Variants in PTPRH observed in about 807,000 individuals in gnomAD.
PTPRH encodes the protein protein tyrosine phosphatase receptor type H, also known as receptor-type tyrosine-protein phosphatase H.
PTPRH carries 113 observed loss-of-function variants against 130.2 expected under a neutral mutation model. The observed-to-expected ratio is 0.87, with a 90% CI of 0.75 to 1.01. PTPRH has a LOEUF of 1.01. PTPRH is among the 50% of genes least tolerant of loss of function. The probability of loss-of-function intolerance (pLI) is 0.00; values close to 1 mark genes in which losing one functional copy is unlikely to be tolerated. For missense variants in PTPRH, 1,430 were observed against 1,425.0 expected (o/e 1.00, Z -0.06); for synonymous variants, 556 against 577.9 (o/e 0.96, Z 0.54).
intron 12 of PTPRH, among the ~76,000 whole-genome samples, chr19:55,189,393 A>G (rs922547392): frequency 1.3e-5 from 2 of 152,188 alleles, no homozygotes; most frequent in Non-Finnish European, 2.9e-5. Flanking sequence ...TCAGCTCACA[A>G]TAAATCCAAA....
chr19:55,204,148 C>T, intron 4 of PTPRH, 100 bp from the exon 5 acceptor site: 1 of 1,310,784 alleles, frequency 7.6e-7, no homozygotes, highest in Non-Finnish European at 1.0e-6. Flanking sequence ...GAGACAGAGT[C>T]TCTGTCTGTC....
At chr19:55,191,351 G>T in intron 12 of PTPRH, 150 bp downstream of exon 12, 1 of 872,702 alleles carries the variant, frequency 1.1e-6, no homozygotes. Flanking sequence ...ACGATGGAAG[G>T]GCCGTGGTCC....
At chr19:55,183,369 A>C (rs1234675147) in intron 18 of PTPRH, among the ~76,000 whole-genome samples, 2 of 151,098 alleles carry the variant, frequency 1.3e-5, no homozygotes. Flanking sequence ...ACATCACTGC[A>C]CTCCCAGCCT....
At chr19:55,200,547 C>CA (rs768873332) in intron 6 of PTPRH, 45 bp from the exon 7 acceptor site, 2 of 1,591,058 alleles carry the variant, frequency 1.3e-6, no homozygotes, top group Non-Finnish European at 1.7e-6. Context: ...AGATACAGAA[C>CA]AGAACGGGGC....
At chr19:55,194,889 A>T (rs2086639739) in intron 10 of PTPRH, among the ~76,000 whole-genome samples, 1 of 152,214 alleles carries the variant, frequency 6.6e-6, no homozygotes, top group African/African-American at 2.4e-5. Context: ...CAATGAATGG[A>T]TAAAAATGAA....
At chr19:55,201,864 A>G (rs935395896) in intron 6 of PTPRH, among the ~76,000 whole-genome samples, 192 bp downstream of exon 6, 124 of 152,204 alleles carry the variant, frequency 8.1e-4, no homozygotes, top group African/African-American at 2.9e-3. Flanking sequence ...ACTGGCCCCA[A>G]CTTAGCAGCT....
intron 6 of PTPRH, 103 bp downstream of exon 6, chr19:55,201,953 C>G: frequency 1.3e-6 from 2 of 1,531,496 alleles, no homozygotes; most frequent in Non-Finnish European, 1.8e-6. Context: ...GTACCTGGCT[C>G]AATATGGCCC....
intron 12 of PTPRH, among the ~76,000 whole-genome samples, chr19:55,189,216 C>T (rs1445184013): frequency 6.6e-6 from 1 of 152,122 alleles, no homozygotes; most frequent in Non-Finnish European, 1.5e-5. Flanking sequence ...GAACTCCTGA[C>T]CTCAAGTGAT....
In PTPRH at chr19:55,193,967, G is replaced by A. The variant is rs1283488664; in HGVS notation, c.2258-2226C>T. 2.7e-5 allele frequency: 9 copies of A among 334,498 alleles called. No homozygotes were observed. In the East Asian group the frequency reaches 8.7e-4, roughly 32 times the overall value. The allele number at this position is 334,498 out of a possible 1,614,324, so 20.7% of individuals were successfully genotyped here. Reference sequence around the variant, plus strand: ...GGGTTCTAGTGATTCTCTTGCCTCAGCCTCCTGAGTAGTTGGGATGACAGA... The same window carrying A: ...GGGTTCTAGTGATTCTCTTGCCTCAACCTCCTGAGTAGTTGGGATGACAGA... On this transcript the variant is annotated intron_variant, in intron 10 of 19. Coordinates refer to ENST00000376350, the MANE Select transcript of PTPRH (RefSeq NM_002842.5).
At chr19:55,190,325 A>G (rs1160405902) in intron 12 of PTPRH, among the ~76,000 whole-genome samples, 2 of 149,340 alleles carry the variant, frequency 1.3e-5, no homozygotes, top group Admixed American at 6.7e-5. Flanking sequence ...AGCCGAGATC[A>G]TGCCACTGCA....
intron 14 of PTPRH, 122 bp downstream of exon 14, chr19:55,187,391 A>C (rs1184105165): frequency 3.8e-6 from 2 of 528,182 alleles, no homozygotes; most frequent in Non-Finnish European, 6.3e-6. Flanking sequence ...AGGAAGAAAA[A>C]AAAAAGGAGA....
At chr19:55,205,252 A>G (rs1438395975) in intron 4 of PTPRH, 74 bp downstream of exon 4, 2 of 1,584,812 alleles carry the variant, frequency 1.3e-6, no homozygotes, top group African/African-American at 2.7e-5. Context: ...ACTATGGAAT[A>G]GAAATCCGCT....
chr19:55,183,352 C>T (rs1330237825), intron 18 of PTPRH, among the ~76,000 whole-genome samples: 4 of 150,278 alleles, frequency 2.7e-5, no homozygotes, highest in African/African-American at 7.3e-5. Flanking sequence ...TGCAGTGAGC[C>T]GAGATCACAT....
chr19:55,198,567 G>T, intron 8 of PTPRH, 76 bp downstream of exon 8: 1 of 1,432,848 alleles, frequency 7.0e-7, no homozygotes, highest in South Asian at 1.6e-5. Flanking sequence ...CATCTCCCAA[G>T]GAGCTCCCAA....
Position 55,182,093 on chromosome 19 carries a change from G to T in PTPRH, c.3121C>A (p.Gln1041Lys), listed in dbSNP as rs1244435245. 1 of 1,614,044 alleles carries T rather than the reference G, an allele frequency of 6.2e-7. No homozygotes were observed. The highest frequency in any genetic ancestry group is 8.5e-7 in the Non-Finnish European group (1 of 1,180,050). The change falls in exon 19 of 20, where the codon CAG becomes AAG. Residue 1041 changes from glutamine (Q) to lysine (K), a missense_variant. Coordinates refer to ENST00000376350, the MANE Select transcript of PTPRH (RefSeq NM_002842.5). ...AAGGGCCCAAGGAGACCCTCGGACT[G>T]CAGCTGCCGGAGCAGGACGTCCAGG... ...IALDVLLRQLQSEGLLGPFSF... is the reference protein window; with the variant it reads ...IALDVLLRQLKSEGLLGPFSF...
Position 55,202,221 on chromosome 19 carries a change from A to T in PTPRH, c.988T>A (p.Tyr330Asn). The change falls in exon 6 of 20, where the codon TAC becomes AAC. Residue 330 changes from tyrosine to asparagine, a missense_variant. Coordinates refer to ENST00000376350, the MANE Select transcript of PTPRH (RefSeq NM_002842.5). ...PDGPDPQNST[Y>N]GVEYTGDGGR... ...CCATCTCCAGTGTACTCAACCCCGTAGGTGGAGTTCTGTGGGTCTGGGCCA... is the reference window on the plus strand; with the variant it reads ...CCATCTCCAGTGTACTCAACCCCGTTGGTGGAGTTCTGTGGGTCTGGGCCA... The T allele has an allele frequency of 6.2e-7, 1 of 1,614,186 alleles. No homozygotes were observed.
chr19:55,187,628 C>T lies in PTPRH; in HGVS notation c.2476-25G>A, dbSNP rs115969789. On this transcript the variant is annotated intron_variant, in intron 13 of 19. Transcript: ENST00000376350. The stretch of plus-strand genomic sequence containing the variant: ...GCTGGGGATGCAGGGAGAGGGGGTA[C>T]CTGGTGTTGGATTTTCTCTACTTTC... 5,074 of 1,559,692 alleles carry T rather than the reference C, an allele frequency of 3.3e-3. 150 individuals are homozygous for T. In the African/African-American group the frequency reaches 0.06, roughly 18 times the overall value.
In PTPRH at chr19:55,194,789, C is replaced by A. The variant is rs879505497; in HGVS notation, c.2257+1733G>T. On this transcript the variant is annotated intron_variant, in intron 10 of 19. Transcript: ENST00000376350. Reference sequence around the variant, plus strand: ...TAGACCCAAGAGAAATAAAAACATACGTCCACACAAAACCTATCCACAAAC... The same window carrying A: ...TAGACCCAAGAGAAATAAAAACATAAGTCCACACAAAACCTATCCACAAAC... Among the ~76,000 whole-genome samples the A allele has an allele frequency of 3.9e-5, 6 of 152,278 alleles. No homozygotes were observed. The East Asian group carries it at 5.8e-4, about 15-fold the overall frequency.
chr19:55,196,408 A>T, intron 10 of PTPRH, 114 bp downstream of exon 10: 1 of 1,307,726 alleles, frequency 7.6e-7, no homozygotes, highest in Non-Finnish European at 1.0e-6. Context: ...AATAAAAAAG[A>T]TGTTTCAAAG....
Sources: gnomAD v4.1 joint callset for allele counts (sites outside exome capture counted in the v4.1 genomes callset) on GRCh38, gnomAD v4.1.1 for gene constraint, MANE v1.5 for transcripts, NCBI Gene and HGNC (gene_info 2026-07-23, HGNC 2026-07-21) for gene names.